CERS3: variants seen among roughly 807,000 people sequenced by gnomAD.
CERS3 encodes the protein ceramide synthase 3, also known as LAG1 homolog, ceramide synthase 3.
Under a neutral mutation model 50.3 loss-of-function variants are expected in CERS3, and 33 were observed. The ratio of observed to expected loss-of-function variants is 0.66; its 90% CI spans 0.50 to 0.88. The LOEUF is 0.88. Among genes scored for constraint, CERS3 ranks in the 40% least tolerant of loss-of-function variants. The pLI, the probability that CERS3 is intolerant of heterozygous loss-of-function variation, is 0.00. For missense variants in CERS3, 470 were observed against 460.3 expected, an observed-to-expected ratio of 1.02 and a Z score of -0.19; for synonymous variants, 176 against 155.2, an observed-to-expected ratio of 1.13 and a Z score of -0.99.
At chr15:100,488,147 A>C (rs2035542025) in intron 4 of CERS3, among the ~76,000 whole-genome samples, 2 of 152,184 alleles carry the variant, frequency 1.3e-5, no homozygotes, top group Admixed American at 1.3e-4. Context: ...CACAGACCAA[A>C]ACTCTCACTG....
intron 1 of CERS3, among the ~76,000 whole-genome samples, chr15:100,524,196 G>A (rs2036720630): frequency 6.6e-6 from 1 of 152,082 alleles, no homozygotes; most frequent in South Asian, 2.1e-4. Flanking sequence ...AGAGTGTAAT[G>A]AAATGAAATA....
chr15:100,484,109 G>C (rs942978847), intron 5 of CERS3, among the ~76,000 whole-genome samples: 3 of 152,042 alleles, frequency 2.0e-5, no homozygotes, highest in Admixed American at 6.6e-5. Context: ...TGTTCTGAGA[G>C]GGAACACACG....
At chr15:100,466,754 T>TTCCG (rs1567638324) in intron 10 of CERS3, among the ~76,000 whole-genome samples, 1 of 19,436 alleles carries the variant, frequency 5.1e-5, no homozygotes, top group African/African-American at 1.1e-4. Context: ...CCTTCCTTCC[T>TTCCG]TCCTTCCTTC....
chr15:100,484,414 C>T (rs1293676184), intron 5 of CERS3, 136 bp downstream of exon 5: 2 of 638,602 alleles, frequency 3.1e-6, no homozygotes, highest in Admixed American at 2.6e-5. Flanking sequence ...TGTGAGGAGC[C>T]TAAAACACCA....
intron 1 of CERS3, among the ~76,000 whole-genome samples, chr15:100,541,614 G>A (rs1480579919): frequency 6.6e-6 from 1 of 152,202 alleles, no homozygotes; most frequent in Non-Finnish European, 1.5e-5. Context: ...GAGCTAGCCT[G>A]TTTCTTTGTT....
chr15:100,501,149 G>A (rs1239618555), intron 3 of CERS3, among the ~76,000 whole-genome samples: 1 of 152,112 alleles, frequency 6.6e-6, no homozygotes. Context: ...TTTTCTCTTT[G>A]ATTTCCTTGC....
At position 100,493,806 on chromosome 15, in the gene CERS3, T is replaced by G. The variant is rs1330355296; in HGVS notation, c.174-2875A>C. Reference sequence around the variant, plus strand: ...GAAATTTTGATTTCAGTCATTGTAGTTTTCAACCCTAGAACTTCTATTTGG... The same window carrying G: ...GAAATTTTGATTTCAGTCATTGTAGGTTTCAACCCTAGAACTTCTATTTGG... On this transcript the variant is annotated intron_variant, in intron 3 of 11. Coordinates refer to ENST00000679737, the MANE Select transcript of CERS3 (RefSeq NM_001378789.1). Among the ~76,000 whole-genome samples the G allele has an allele frequency of 3.9e-5, 6 of 152,188 alleles. 1 individual carries two copies.
At chr15:100,542,736 T>C (rs1185987142) in intron 1 of CERS3, among the ~76,000 whole-genome samples, 1 of 152,144 alleles carries the variant, frequency 6.6e-6, no homozygotes, top group Non-Finnish European at 1.5e-5. Context: ...TAATTCACAA[T>C]AAATACATGT....
chr15:100,506,503 A>T (rs902282293), intron 2 of CERS3, among the ~76,000 whole-genome samples: 31 of 121,572 alleles, frequency 2.5e-4, no homozygotes, highest in African/African-American at 9.7e-4. Flanking sequence ...GACATTGTTG[A>T]TGGGAATGTG....
intron 4 of CERS3, among the ~76,000 whole-genome samples, chr15:100,489,497 C>G (rs190465271): frequency 1.3e-5 from 2 of 152,300 alleles, no homozygotes; most frequent in African/African-American, 4.8e-5. Context: ...TGACTAGAAG[C>G]TCTTAGCAAT....
chr15:100,456,273 AT>A (rs1276740409), intron 10 of CERS3, among the ~76,000 whole-genome samples: 13 of 152,184 alleles, frequency 8.5e-5, no homozygotes, highest in Admixed American at 8.5e-4. Context: ...AAGAAACAGC[AT>A]TTTTATTACC....
At chr15:100,410,281 C>T (rs1245881026) in intron 11 of CERS3, among the ~76,000 whole-genome samples, 1 of 152,122 alleles carries the variant, frequency 6.6e-6, no homozygotes, top group Non-Finnish European at 1.5e-5. Flanking sequence ...CTAACAGGGG[C>T]TATGGAACCC....
chr15:100,420,379 C>G (rs1697449594), intron 11 of CERS3, among the ~76,000 whole-genome samples: 2 of 152,072 alleles, frequency 1.3e-5, no homozygotes, highest in Admixed American at 1.3e-4. Context: ...AAGACTAAAC[C>G]AGGAAGAAGT....
chr15:100,442,999 C>G (rs578150007), intron 11 of CERS3, among the ~76,000 whole-genome samples: 40 of 151,720 alleles, frequency 2.6e-4, no homozygotes, highest in East Asian at 9.8e-4. Context: ...TTAGACAATA[C>G]TCTTTTAAGC....
In CERS3 at chr15:100,524,303, T is replaced by C. The variant is rs191418632; in HGVS notation, c.-91-2547A>G. Among the ~76,000 whole-genome samples, 39 of 152,360 alleles carry C rather than the reference T, an allele frequency of 2.6e-4. No individual in the cohort carries two copies. In the East Asian group the frequency reaches 7.5e-3, roughly 29 times the overall value. On this transcript the variant is annotated intron_variant, in intron 1 of 11. Transcript: ENST00000679737. ...TTGAGATCTGAAAAGTATTTCTTAC[T>C]AACAGTAATGGTTAAAAACGTTTGA...
intron 10 of CERS3, among the ~76,000 whole-genome samples, chr15:100,468,933 G>A (rs2034873894): frequency 6.6e-6 from 1 of 152,170 alleles, no homozygotes; most frequent in Admixed American, 6.5e-5. Context: ...TCATCCTTAT[G>A]AGTTATTGTG....
At chr15:100,500,572 C>T (rs1329213432) in intron 3 of CERS3, 1 of 152,208 alleles carries the variant, frequency 6.6e-6, no homozygotes, top group Non-Finnish European at 1.5e-5. Context: ...TGCAAAAACA[C>T]CTAGTATTTC....
Position 100,426,572 on chromosome 15 carries a change from C to T in CERS3, c.1000-23707G>A, listed in dbSNP as rs546988934. Among the ~76,000 whole-genome samples the T allele has an allele frequency of 4.2e-4, 64 of 152,254 alleles. 1 individual carries two copies. The highest frequency in any genetic ancestry group is 1.5e-3 in the African/African-American group (63 of 41,536). ...ATATACCATCTGTCTTCTCTGGGTT[C>T]TCGTAGGTGATCTCATTTAGTACAT... On this transcript the variant is annotated intron_variant, in intron 11 of 11. Transcript: ENST00000679737.
intron 2 of CERS3, among the ~76,000 whole-genome samples, chr15:100,518,507 T>C (rs1251322056): frequency 6.6e-6 from 1 of 152,262 alleles, no homozygotes; most frequent in Non-Finnish European, 1.5e-5. Context: ...CTTGGGCATA[T>C]TGTTTGAAAA....
Sources: allele counts gnomAD v4.1 joint callset (sites outside exome capture counted in the v4.1 genomes callset), GRCh38; gene constraint gnomAD v4.1.1; transcripts MANE v1.5; gene names NCBI Gene and HGNC (gene_info 2026-07-23, HGNC 2026-07-21).